Variants in CNNM2 observed in about 807,000 individuals in gnomAD.
CNNM2 encodes the protein cyclin and CBS domain divalent metal cation transport mediator 2.
Under a neutral mutation model 66.9 loss-of-function variants are expected in CNNM2, and 12 were observed. That is an observed-to-expected ratio of 0.18 (90% CI 0.11 to 0.29). CNNM2 has a LOEUF of 0.29. CNNM2 is among the 10% of genes least tolerant of loss of function. The pLI, the probability that CNNM2 is intolerant of heterozygous loss-of-function variation, is 1.00. For missense variants in CNNM2, 705 were observed against 1,167.7 expected (o/e 0.60, Z 5.77); for synonymous variants, 557 against 501.8 (o/e 1.11, Z -1.47).
chr10:102,982,747 C>T (rs1157387755), intron 1 of CNNM2, among the ~76,000 whole-genome samples: 1 of 152,132 alleles, frequency 6.6e-6, no homozygotes, highest in Non-Finnish European at 1.5e-5. Context: ...GTTTGTTGTT[C>T]TGAATTGGAT....
chr10:102,920,119 C>T lies in CNNM2; in HGVS notation c.1621+18C>T. 1 of 1,614,160 alleles carries T rather than the reference C, an allele frequency of 6.2e-7. No individual in the cohort carries two copies. Among genetic ancestry groups the T allele is most frequent in the South Asian group, 1.1e-5 (1 of 91,068 alleles). On this transcript the variant is annotated intron_variant, in intron 1 of 7. Transcript: ENST00000369878. ...TAAGAAAGGTGGGAAATTTTGGTCT[C>T]TTTCATTGGCTTGCTCTTTCTCTCT...
intron 4 of CNNM2, among the ~76,000 whole-genome samples, chr10:103,058,113 G>A (rs945203263): frequency 1.3e-5 from 2 of 152,216 alleles, no homozygotes; most frequent in Non-Finnish European, 2.9e-5. Flanking sequence ...AAAATGCCGA[G>A]GGTTAGCTGA....
At chr10:103,024,806 A>G (rs191487044) in intron 1 of CNNM2, among the ~76,000 whole-genome samples, 214 of 152,054 alleles carry the variant, frequency 1.4e-3, no homozygotes, top group Non-Finnish European at 2.5e-3. Flanking sequence ...AAACCAAGCT[A>G]GTTGTTTTGT....
chr10:102,965,596 G>A (rs1285731339), intron 1 of CNNM2, among the ~76,000 whole-genome samples: 1 of 152,138 alleles, frequency 6.6e-6, no homozygotes, highest in Non-Finnish European at 1.5e-5. Flanking sequence ...TGTAGTGTCT[G>A]CTTTACTGTT....
At position 102,933,936 on chromosome 10, in the gene CNNM2, C is replaced by T. The variant is rs895518866; in HGVS notation, c.1621+13835C>T. On this transcript the variant is annotated intron_variant, in intron 1 of 7. Coordinates refer to ENST00000369878, the MANE Select transcript of CNNM2 (RefSeq NM_017649.5). ...TGCAGCCTCAAACCCTGGGCACAAG[C>T]GATCCTTCCACCTCAGCCTCCCAAG... Among the ~76,000 whole-genome samples, 8 of 152,100 alleles carry T rather than the reference C, an allele frequency of 5.3e-5. No homozygotes were observed. In the South Asian group the frequency reaches 1.2e-3, roughly 24 times the overall value.
intron 1 of CNNM2, among the ~76,000 whole-genome samples, chr10:102,981,223 G>T (rs1233042890): frequency 2.6e-5 from 4 of 151,972 alleles, no homozygotes; most frequent in African/African-American, 9.7e-5. Flanking sequence ...GATGGCGTGT[G>T]CCTGTGGTTC....
chr10:103,062,292 A>G (rs948221243), intron 4 of CNNM2, among the ~76,000 whole-genome samples: 13 of 152,220 alleles, frequency 8.5e-5, no homozygotes, highest in Non-Finnish European at 1.9e-4. Flanking sequence ...GCATCTTAAA[A>G]TTTATACAGC....
intron 6 of CNNM2, among the ~76,000 whole-genome samples, chr10:103,074,671 C>A (rs1363376273): frequency 5.9e-5 from 9 of 151,456 alleles, no homozygotes; most frequent in African/African-American, 2.2e-4. Context: ...CCATCTATAC[C>A]AAAAATACAA....
At chr10:103,012,757 A>G (rs2064368857) in intron 1 of CNNM2, among the ~76,000 whole-genome samples, 1 of 151,842 alleles carries the variant, frequency 6.6e-6, no homozygotes, top group African/African-American at 2.4e-5. Flanking sequence ...TCTTCTCTAC[A>G]ACAACAGTCT....
At chr10:103,062,168 A>C (rs1223792301) in intron 4 of CNNM2, among the ~76,000 whole-genome samples, 1 of 152,224 alleles carries the variant, frequency 6.6e-6, no homozygotes, top group African/African-American at 2.4e-5. Context: ...TAGTAATGGA[A>C]GAAGTGGAAA....
chr10:103,076,433 G>C (rs1271916986), intron 7 of CNNM2, among the ~76,000 whole-genome samples, 163 bp downstream of exon 7: 1 of 152,222 alleles, frequency 6.6e-6, no homozygotes, highest in African/African-American at 2.4e-5. Flanking sequence ...CGTCTGCTGT[G>C]CCCAAGCCTC....
rs987818345 is a variant in CNNM2 at position 103,078,315 on chromosome 10, C to T, written c.*1135C>T. Reference sequence around the variant, plus strand: ...GATTGCCAGCCCCTGCTCCTCCTCCCAGGGAGCCAACTGTCCCTCCTCCCC... The same window carrying T: ...GATTGCCAGCCCCTGCTCCTCCTCCTAGGGAGCCAACTGTCCCTCCTCCCC... On this transcript the variant is annotated 3_prime_UTR_variant, in exon 8 of 8. Transcript: ENST00000369878. 1 of 152,320 alleles carries T rather than the reference C, an allele frequency of 6.6e-6. No individual in the cohort carries two copies. The highest frequency in any genetic ancestry group is 1.5e-5 in the Non-Finnish European group (1 of 68,084). 9.4% of individuals were successfully genotyped at this position (152,320 alleles called of 1,614,324 possible).
intron 4 of CNNM2, among the ~76,000 whole-genome samples, chr10:103,064,057 AGTGGGGTGG>A (rs914285946): frequency 6.6e-6 from 1 of 152,196 alleles, no homozygotes; most frequent in African/African-American, 2.4e-5. Context: ...AGAGGGATGT[AGTGGGGTGG>A]GCAGGTTTGA....
In CNNM2 at chr10:103,081,538, A is replaced by G. The variant is rs972213169; in HGVS notation, c.*4358A>G. The G allele has an allele frequency of 6.6e-6, 1 of 152,158 alleles. No individual in the cohort carries two copies. The highest frequency in any genetic ancestry group is 1.5e-5 in the Non-Finnish European group (1 of 68,016). 9.4% of individuals were successfully genotyped at this position (152,158 alleles called of 1,614,324 possible). ...ACCTCAGGGTCATTTGCAAATCTTT[A>G]TCTTTTCCTATTTCTTAGGTGTTCA... On this transcript the variant is annotated 3_prime_UTR_variant, in exon 8 of 8. Transcript: ENST00000369878.
chr10:102,965,077 GC>G (rs2063441238), intron 1 of CNNM2, among the ~76,000 whole-genome samples: 1 of 152,146 alleles, frequency 6.6e-6, no homozygotes, highest in African/African-American at 2.4e-5. Flanking sequence ...GCCTGCCCGC[GC>G]CTTGATCTTA....
At chr10:102,980,041 G>A (rs1199247594) in intron 1 of CNNM2, among the ~76,000 whole-genome samples, 2 of 151,988 alleles carry the variant, frequency 1.3e-5, no homozygotes, top group Non-Finnish European at 2.9e-5. Flanking sequence ...AACCTCCCAA[G>A]TAGCTGGGAT....
chr10:103,014,715 A>G (rs1301615562), intron 1 of CNNM2, among the ~76,000 whole-genome samples: 1 of 152,166 alleles, frequency 6.6e-6, no homozygotes, highest in Non-Finnish European at 1.5e-5. Flanking sequence ...CATTTGACAG[A>G]TGAAATTCCT....
At chr10:103,057,628 CTTTTTCCATCCT>C (rs1304895505) in intron 4 of CNNM2, among the ~76,000 whole-genome samples, 1 of 152,056 alleles carries the variant, frequency 6.6e-6, no homozygotes, top group Non-Finnish European at 1.5e-5. Context: ...GTTATTGGTC[CTTTTTCCATCCT>C]TTTTTCCATC....
At chr10:102,963,764 A>G (rs1417447635) in intron 1 of CNNM2, among the ~76,000 whole-genome samples, 1 of 152,312 alleles carries the variant, frequency 6.6e-6, no homozygotes. Flanking sequence ...CGTGGGGCAT[A>G]TTGAAGTTGC....
Sources: allele counts gnomAD v4.1 joint callset (sites outside exome capture counted in the v4.1 genomes callset), GRCh38; gene constraint gnomAD v4.1.1; transcripts MANE v1.5; gene names NCBI Gene and HGNC (gene_info 2026-07-23, HGNC 2026-07-21).